Variants in GREB1 observed in about 807,000 individuals in gnomAD.
GREB1 encodes growth regulating estrogen receptor binding 1.
Under a neutral mutation model 200.7 loss-of-function variants are expected in GREB1, and 106 were observed. The observed-to-expected ratio is 0.53, with a 90% CI of 0.45 to 0.62. The LOEUF (loss-of-function observed/expected upper bound fraction) is 0.62, where lower values mean the gene tolerates loss of function less well. GREB1 is among the 20% of genes least tolerant of loss of function. GREB1 has a pLI of 0.00. For missense variants in GREB1, 2,243 were observed against 2,556.8 expected, an observed-to-expected ratio of 0.88 and a Z score of 2.65; for synonymous variants, 1,132 against 1,092.4, an observed-to-expected ratio of 1.04 and a Z score of -0.72.
chr2:11,550,699 A>T (rs1050041718), intron 1 of GREB1, among the ~76,000 whole-genome samples: 19 of 152,186 alleles, frequency 1.2e-4, no homozygotes, highest in African/African-American at 4.6e-4. Context: ...ACACTTTCCA[A>T]ATCTAGCCCT....
At chr2:11,601,526 A>G (rs529980444) in intron 16 of GREB1, among the ~76,000 whole-genome samples, 20 of 152,324 alleles carry the variant, frequency 1.3e-4, no homozygotes, top group African/African-American at 4.8e-4. Flanking sequence ...CAATCCTGGT[A>G]ATTTGAGAAT....
At chr2:11,610,091 G>GA (rs1682783399) in intron 17 of GREB1, among the ~76,000 whole-genome samples, 1 of 152,220 alleles carries the variant, frequency 6.6e-6, no homozygotes, top group Non-Finnish European at 1.5e-5. Context: ...TTTGTGTGGG[G>GA]ACACAGATAG....
In GREB1 at chr2:11,566,670, T is replaced by C. The variant is rs369026555; in HGVS notation, c.454+14T>C. The stretch of plus-strand genomic sequence containing the variant: ...ATGCTCTTCTTGGTAAGTACTGCTT[T>C]GTCATCCTCTGTGGCTCCTTCTGCA... On this transcript the variant is annotated intron_variant, in intron 4 of 32. Coordinates refer to ENST00000381486, the MANE Select transcript of GREB1 (RefSeq NM_014668.4). 10 of 1,597,890 alleles carry C rather than the reference T, an allele frequency of 6.3e-6. No individual in the cohort carries two copies. The African/African-American group carries it at 1.1e-4, about 17-fold the overall frequency.
intron 13 of GREB1, among the ~76,000 whole-genome samples, 190 bp downstream of exon 13, chr2:11,596,429 A>T (rs1461940602): frequency 1.2e-5 from 1 of 86,670 alleles, no homozygotes; most frequent in East Asian, 4.3e-4. Context: ...GGTGGCAGGG[A>T]CGCAGGTGTG....
At chr2:11,608,432 A>G (rs1409716724) in intron 17 of GREB1, among the ~76,000 whole-genome samples, 1 of 152,106 alleles carries the variant, frequency 6.6e-6, no homozygotes. Context: ...CTGCTTATTT[A>G]CATGTCTGGT....
chr2:11,570,612 T>C (rs1235292931), intron 4 of GREB1, among the ~76,000 whole-genome samples: 1 of 152,090 alleles, frequency 6.6e-6, no homozygotes, highest in African/African-American at 2.4e-5. Context: ...TCTTCAATTT[T>C]TCTTTATGTG....
chr2:11,609,920 A>G (rs1461609672), intron 17 of GREB1, among the ~76,000 whole-genome samples: 1 of 152,210 alleles, frequency 6.6e-6, no homozygotes, highest in Non-Finnish European at 1.5e-5. Context: ...ATCAACCCAG[A>G]AGAACATTGT....
At position 11,603,870 on chromosome 2, in the gene GREB1, GAC is replaced by G. The variant is rs767533912; in HGVS notation, c.2666+1332_2666+1333del. Among the ~76,000 whole-genome samples, 30 of 152,326 alleles carry G rather than the reference GAC, an allele frequency of 2.0e-4. 1 individual carries two copies. Among genetic ancestry groups the G allele is most frequent in the Admixed American group, 1.4e-3 (21 of 15,302 alleles). On this transcript the variant is annotated intron_variant, in intron 17 of 32. Transcript: ENST00000381486. ...TATTACCTAAAATAATCCTCACAGT[GAC>G]ACAGTGAGATAGGAAATACTGTTAT...
intron 6 of GREB1, 111 bp downstream of exon 6, chr2:11,578,542 G>A (rs986367726): frequency 8.7e-7 from 1 of 1,142,998 alleles, no homozygotes; most frequent in South Asian, 1.6e-5. Context: ...TCAGGGGGCT[G>A]TTATCTTTTT....
At chr2:11,624,401 A>G (rs1031614220) in intron 23 of GREB1, among the ~76,000 whole-genome samples, 8 of 146,100 alleles carry the variant, frequency 5.5e-5, no homozygotes, top group African/African-American at 1.8e-4. Flanking sequence ...TTGGAGTGCA[A>G]TGGCGAGATC....
chr2:11,559,044 G>T (rs751363344), intron 2 of GREB1, among the ~76,000 whole-genome samples: 5 of 152,272 alleles, frequency 3.3e-5, no homozygotes, highest in Non-Finnish European at 7.3e-5. Context: ...CATTAAACAG[G>T]ATGTAGGTAA....
In GREB1 at chr2:11,580,128, C is replaced by T. The variant is rs907614906; in HGVS notation, c.773-576C>T. Reference sequence around the variant, plus strand: ...GTCTCGTGAGACTTCTTCACTATCACGAGAACAGTATGGGGGAAACCACCC... The same window carrying T: ...GTCTCGTGAGACTTCTTCACTATCATGAGAACAGTATGGGGGAAACCACCC... On this transcript the variant is annotated intron_variant, in intron 6 of 32. Coordinates refer to ENST00000381486, the MANE Select transcript of GREB1 (RefSeq NM_014668.4). The surrounding 1 kb of genome is among the most constrained non-coding windows in gnomAD (Gnocchi z 4.5). 2.6e-5 allele frequency among the ~76,000 whole-genome samples: 4 copies of T among 152,224 alleles called. No homozygotes were observed. The highest frequency in any genetic ancestry group is 4.4e-5 in the Non-Finnish European group (3 of 68,024).
chr2:11,519,439 A>G (rs1480520248), intron 1 of GREB1, among the ~76,000 whole-genome samples: 2 of 124,590 alleles, frequency 1.6e-5, no homozygotes, highest in Non-Finnish European at 3.3e-5. Flanking sequence ...TCTTATGATT[A>G]CTTGTTTTGG....
chr2:11,531,775 T>G (rs1483306053), upstream of GREB1, among the ~76,000 whole-genome samples: 1 of 152,182 alleles, frequency 6.6e-6, no homozygotes, highest in African/African-American at 2.4e-5. Context: ...TTCGCCCTGT[T>G]GGCCGGGCTG....
intron 1 of GREB1, among the ~76,000 whole-genome samples, chr2:11,538,200 T>G (rs1674390154): frequency 1.3e-5 from 2 of 151,964 alleles, no homozygotes; most frequent in South Asian, 4.2e-4. Context: ...CAGGGATGGG[T>G]GGGGTCTCCA....
At chr2:11,591,162 T>A (rs965243960) in intron 10 of GREB1, among the ~76,000 whole-genome samples, 5 of 152,234 alleles carry the variant, frequency 3.3e-5, no homozygotes, top group African/African-American at 1.2e-4. Context: ...TCTAATTAAA[T>A]TCTAATTTGA....
rs1683744912 is a variant in GREB1 at position 11,618,826 on chromosome 2, G to GT, written c.3951_3952insT (p.Pro1318SerfsTer59). 2 of 1,604,768 alleles carry GT rather than the reference G, an allele frequency of 1.2e-6. No individual in the cohort carries two copies. The stretch of plus-strand genomic sequence containing the variant: ...CCCTCTACTACCGGCAGTGGACGGT[G>GT]CCCCGGCCCAGCCACATGGACTACG... On this transcript the variant is annotated frameshift_variant, in exon 22 of 33. Coordinates refer to ENST00000381486, the MANE Select transcript of GREB1 (RefSeq NM_014668.4). LOFTEE classifies it high-confidence loss of function.
In GREB1 at chr2:11,640,260, C is replaced by T; in HGVS notation, c.5687-31C>T. The T allele has an allele frequency of 6.3e-7, 1 of 1,587,998 alleles. No homozygotes were observed. The highest frequency in any genetic ancestry group is 8.6e-7 in the Non-Finnish European group (1 of 1,166,806). ...TTCCTCTGGATAAACTCACCTTTTC[C>T]CTTCCCACACCTCTGCCGTTGTCCA... On this transcript the variant is annotated intron_variant, in intron 32 of 32. Coordinates refer to ENST00000381486, the MANE Select transcript of GREB1 (RefSeq NM_014668.4). This position sits in a 1 kb window ranked among gnomAD's most constrained non-coding sequence, Gnocchi z 4.6.
At chr2:11,573,010 A>G (rs986912846) in intron 4 of GREB1, among the ~76,000 whole-genome samples, 1 of 152,198 alleles carries the variant, frequency 6.6e-6, no homozygotes, top group African/African-American at 2.4e-5. Flanking sequence ...TGATAGGTGC[A>G]CTATGAAGCC....
Sources: allele counts gnomAD v4.1 joint callset (sites outside exome capture counted in the v4.1 genomes callset), GRCh38; gene constraint gnomAD v4.1.1; non-coding constraint Gnocchi (gnomAD v3.1); transcripts MANE v1.5; gene names NCBI Gene and HGNC (gene_info 2026-07-23, HGNC 2026-07-21).